Variants in PCDHA12 observed in about 807,000 individuals in gnomAD.
PCDHA12 encodes protocadherin alpha-12.
Under a neutral mutation model 60.0 loss-of-function variants are expected in PCDHA12, and 44 were observed. The observed-to-expected ratio is 0.73, with a 90% CI of 0.58 to 0.94. The LOEUF (loss-of-function observed/expected upper bound fraction) is 0.94, where lower values mean the gene tolerates loss of function less well. PCDHA12 is among the 40% of genes least tolerant of loss of function. PCDHA12 has a pLI of 0.00. For synonymous variants in PCDHA12, 569 were observed against 553.0 expected (o/e 1.03, Z -0.40); for missense variants, 1,276 against 1,239.7 (o/e 1.03, Z -0.44).
At chr5:140,941,219 C>CTT (rs1308794823) in intron 1 of PCDHA12, among the ~76,000 whole-genome samples, 11 of 125,974 alleles carry the variant, frequency 8.7e-5, no homozygotes, top group African/African-American at 3.2e-4. Flanking sequence ...TTCTTCCTTT[C>CTT]TTTCTTTCTT....
intron 1 of PCDHA12, among the ~76,000 whole-genome samples, chr5:140,911,635 G>A (rs906127782): frequency 2.0e-5 from 3 of 152,148 alleles, no homozygotes; most frequent in African/African-American, 7.2e-5. Flanking sequence ...ATGGTCAAAG[G>A]TATTACATAT....
chr5:140,893,781 G>A (rs113070458), intron 1 of PCDHA12, among the ~76,000 whole-genome samples: 3 of 151,996 alleles, frequency 2.0e-5, no homozygotes, highest in African/African-American at 4.8e-5. Flanking sequence ...TTCTTTTACC[G>A]TTTTTAGAAT....
intron 1 of PCDHA12, among the ~76,000 whole-genome samples, chr5:140,904,545 C>A (rs2071206893): frequency 6.6e-6 from 1 of 151,876 alleles, no homozygotes; most frequent in Admixed American, 6.6e-5. Context: ...GTATCTTTTT[C>A]ATATAATGAC....
chr5:141,011,228 A>T lies in PCDHA12; in HGVS notation c.*1291A>T, dbSNP rs2098419864. 1 of 153,664 alleles carries T rather than the reference A, an allele frequency of 6.5e-6. No homozygotes were observed. The highest frequency in any genetic ancestry group is 1.5e-5 in the Non-Finnish European group (1 of 68,016). 9.5% of individuals were successfully genotyped at this position (153,664 alleles called of 1,614,324 possible). On this transcript the variant is annotated 3_prime_UTR_variant, in exon 4 of 4. Coordinates refer to ENST00000398631, the MANE Select transcript of PCDHA12 (RefSeq NM_018903.4). The stretch of plus-strand genomic sequence containing the variant: ...CAGTGAGCAGATTTTTCAATCTACT[A>T]ATTCTGTGACTTGTCTTGGTGTGCT...
At position 140,967,913 on chromosome 5, in the gene PCDHA12, A is replaced by G. The variant is rs548732358; in HGVS notation, c.2368-11036A>G. 3.7e-6 allele frequency: 6 copies of G among 1,614,184 alleles called. No homozygotes were observed. The highest frequency in any genetic ancestry group is 1.3e-5 in the African/African-American group (1 of 75,042). ...GCCTGAGAATGCTACACCCAACACC[A>G]TTGTGGCCGTTCTCAGTGTCAATGA... On this transcript the variant is annotated intron_variant, in intron 1 of 3. Transcript: ENST00000398631.
intron 1 of PCDHA12, among the ~76,000 whole-genome samples, chr5:140,912,582 T>C (rs2075986919): frequency 6.6e-6 from 1 of 152,214 alleles, no homozygotes. Context: ...TTTTCCAATT[T>C]GGATGCCCTT....
chr5:140,907,563 A>G (rs1554193054), intron 1 of PCDHA12, among the ~76,000 whole-genome samples: 1 of 152,160 alleles, frequency 6.6e-6, no homozygotes, highest in Admixed American at 6.5e-5. Context: ...AATATAATCA[A>G]CTTGCCACCA....
intron 1 of PCDHA12, among the ~76,000 whole-genome samples, chr5:140,906,707 CT>C (rs1554192656): frequency 6.6e-6 from 1 of 152,198 alleles, no homozygotes; most frequent in Non-Finnish European, 1.5e-5. Flanking sequence ...ATTTGTAGTC[CT>C]GCCTGGATTG....
Position 140,875,735 on chromosome 5 carries a change from C to G in PCDHA12, c.263C>G (p.Ser88Cys), listed in dbSNP as rs376701509. ...CAGAATGGCATTTTGTTTGTGAATT[C>G]TCGGATCGACCGCGAGAAGCTGTGC... is the stretch of plus-strand genomic sequence containing the variant. ...NLQNGILFVN[S>C]RIDREKLCGR... is the part of the protein sequence containing the mutation. Residue 88 changes from serine to cysteine, a missense_variant, in exon 1 of 4, where the codon TCT (serine) becomes TGT (cysteine). Coordinates refer to ENST00000398631, the MANE Select transcript of PCDHA12 (RefSeq NM_018903.4). The G allele has an allele frequency of 5.0e-5, 80 of 1,614,232 alleles. No individual in the cohort carries two copies. The South Asian group carries it at 5.4e-4, about 11-fold the overall frequency.
intron 1 of PCDHA12, among the ~76,000 whole-genome samples, chr5:140,975,842 T>C (rs1291239014): frequency 1.3e-5 from 2 of 152,210 alleles, no homozygotes; most frequent in Non-Finnish European, 2.9e-5. Context: ...TATTCTTCAG[T>C]AATACTACAT....
intron 3 of PCDHA12, among the ~76,000 whole-genome samples, chr5:140,999,639 T>C (rs1554256919): frequency 6.6e-6 from 1 of 152,144 alleles, no homozygotes; most frequent in African/African-American, 2.4e-5. Context: ...TAGAGAAAAC[T>C]GTGCAGCCTG....
At chr5:140,979,354 A>G (rs1205411040) in intron 2 of PCDHA12, among the ~76,000 whole-genome samples, 1 of 151,576 alleles carries the variant, frequency 6.6e-6, no homozygotes. Context: ...ATTAATACTC[A>G]TGCTTTGAGA....
intron 1 of PCDHA12, among the ~76,000 whole-genome samples, chr5:140,944,593 TG>T: frequency 6.6e-6 from 1 of 152,318 alleles, no homozygotes; most frequent in South Asian, 2.1e-4. Flanking sequence ...AGAATTTCCC[TG>T]GGTAGAGTAG....
chr5:140,982,797 G>A (rs2097006142), intron 3 of PCDHA12, among the ~76,000 whole-genome samples: 1 of 151,640 alleles, frequency 6.6e-6, no homozygotes, highest in Admixed American at 6.6e-5. Context: ...ATGTGTGCAT[G>A]TGTGTGTGTG....
In PCDHA12 at chr5:140,912,862, T is replaced by C. The variant is rs181526076; in HGVS notation, c.2367+35023T>C. On this transcript the variant is annotated intron_variant, in intron 1 of 3. Coordinates refer to ENST00000398631, the MANE Select transcript of PCDHA12 (RefSeq NM_018903.4). Reference sequence around the variant, plus strand: ...GCTTTTTCAGCATCAATTGAAATGATATATGGTTTTTGGTCTTCATTCTGT... The same window carrying C: ...GCTTTTTCAGCATCAATTGAAATGACATATGGTTTTTGGTCTTCATTCTGT... Among the ~76,000 whole-genome samples, 6 of 152,338 alleles carry C rather than the reference T, an allele frequency of 3.9e-5. No individual in the cohort carries two copies. In the East Asian group the frequency reaches 1.2e-3, roughly 29 times the overall value.
intron 1 of PCDHA12, among the ~76,000 whole-genome samples, chr5:140,919,430 T>C (rs935963449): frequency 1.3e-5 from 2 of 152,196 alleles, no homozygotes; most frequent in Non-Finnish European, 2.9e-5. Flanking sequence ...TGCCTTTTGA[T>C]TGGGTTCTTT....
chr5:140,955,677 G>A (rs989922322), intron 1 of PCDHA12, among the ~76,000 whole-genome samples: 6 of 151,960 alleles, frequency 3.9e-5, no homozygotes, highest in African/African-American at 1.2e-4. Context: ...TAGTTTTTTC[G>A]AAATCTGTGA....
At chr5:140,921,165 A>T (rs959305878) in intron 1 of PCDHA12, among the ~76,000 whole-genome samples, 1 of 151,798 alleles carries the variant, frequency 6.6e-6, no homozygotes, top group Non-Finnish European at 1.5e-5. Flanking sequence ...TTTTTTTAAC[A>T]CACATAAAGC....
At chr5:140,964,802 GA>G (rs1187447949) in intron 1 of PCDHA12, among the ~76,000 whole-genome samples, 2 of 151,946 alleles carry the variant, frequency 1.3e-5, no homozygotes, top group African/African-American at 4.8e-5. Context: ...CCCAAGAAAG[GA>G]GACAGGAATA....
Sources: gnomAD v4.1 joint callset for allele counts (sites outside exome capture counted in the v4.1 genomes callset) on GRCh38, gnomAD v4.1.1 for gene constraint, MANE v1.5 for transcripts, NCBI Gene and HGNC (gene_info 2026-07-23, HGNC 2026-07-21) for gene names.